The following TFG variants were observed in gnomAD, a reference collection of about 807,000 sequenced individuals.
TFG encodes protein TFG.
TFG carries 22 observed loss-of-function variants against 51.4 expected under a neutral mutation model. The observed-to-expected ratio is 0.43, with a 90% CI of 0.31 to 0.61. The LOEUF is 0.61. Among genes scored for constraint, TFG ranks in the 20% least tolerant of loss-of-function variants. The pLI is 0.12. For synonymous variants in TFG, 187 were observed against 165.6 expected (o/e 1.13, Z -0.99); for missense variants, 419 against 487.7 (o/e 0.86, Z 1.33).
Position 100,744,912 on chromosome 3 carries a change from G to C in TFG, c.801G>C (p.Gln267His). 3.7e-6 allele frequency: 6 copies of C among 1,612,942 alleles called. No individual in the cohort carries two copies. Among genetic ancestry groups the C allele is most frequent in the Non-Finnish European group, 5.1e-6 (6 of 1,179,156 alleles). Residue 267 changes from glutamine (Q) to histidine (H), a missense_variant, in exon 7 of 8, where the codon CAG becomes CAC. Physicochemically the swap from Gln to His is conservative, Grantham distance 24. This residue lies in a region of TFG where 391 missense variants were observed against 434.4 expected (regional missense o/e 0.90). Coordinates refer to ENST00000240851, the MANE Select transcript of TFG (RefSeq NM_006070.6). ...QPQAPPQQPQ[Q>H]YGIQYSASYS... ...AGGCTCCACCTCAGCAGCCTCAACA[G>C]TATGGTATTCAGTATTCAGGTGAGC...
intron 6 of TFG, among the ~76,000 whole-genome samples, chr3:100,740,765 CT>C (rs951958094): frequency 6.6e-6 from 1 of 152,146 alleles, no homozygotes; most frequent in Non-Finnish European, 1.5e-5. Flanking sequence ...TTGCTTCATC[CT>C]GTTCTCTTTT....
intron 3 of TFG, among the ~76,000 whole-genome samples, chr3:100,720,735 TAA>T (rs1249312080): frequency 6.6e-6 from 1 of 152,190 alleles, no homozygotes; most frequent in Non-Finnish European, 1.5e-5. Context: ...ACTTAAAGAT[TAA>T]AAATAGTTCT....
chr3:100,717,520 T>C (rs556661831), intron 2 of TFG, among the ~76,000 whole-genome samples: 1 of 152,214 alleles, frequency 6.6e-6, no homozygotes, highest in African/African-American at 2.4e-5. Flanking sequence ...ACAATATTTG[T>C]TCTTATATAA....
intron 7 of TFG, chr3:100,747,340 T>A (rs1176253880): frequency 7.2e-6 from 1 of 139,548 alleles, no homozygotes; most frequent in Non-Finnish European, 1.6e-5. Flanking sequence ...ATTCATTCAA[T>A]CCTTTTTTTT....
intron 3 of TFG, among the ~76,000 whole-genome samples, chr3:100,722,582 C>T (rs1181496757): frequency 1.3e-5 from 2 of 152,146 alleles, no homozygotes; most frequent in Non-Finnish European, 2.9e-5. Flanking sequence ...GACATATTGT[C>T]ATGAAACTGG....
chr3:100,731,442 TTTTG>T (rs1469262030), intron 4 of TFG, among the ~76,000 whole-genome samples: 1 of 152,214 alleles, frequency 6.6e-6, no homozygotes, highest in Admixed American at 6.5e-5. Flanking sequence ...ATATTTGACA[TTTTG>T]TTTTTCTGTT....
At chr3:100,722,663 A>G (rs949185506) in intron 3 of TFG, among the ~76,000 whole-genome samples, 18 of 152,242 alleles carry the variant, frequency 1.2e-4, no homozygotes, top group African/African-American at 4.1e-4. Context: ...ATATGAAACA[A>G]TTAGACTGTT....
chr3:100,711,665 G>A (rs545490867), intron 1 of TFG, among the ~76,000 whole-genome samples: 2 of 152,188 alleles, frequency 1.3e-5, no homozygotes, highest in South Asian at 2.1e-4. Flanking sequence ...GTGCTGCTGG[G>A]AATAGATAGT....
At chr3:100,716,771 T>C (rs991056628) in intron 2 of TFG, among the ~76,000 whole-genome samples, 1 of 152,180 alleles carries the variant, frequency 6.6e-6, no homozygotes, top group African/African-American at 2.4e-5. Context: ...TTTCCTGATA[T>C]GTGTGCATTT....
At chr3:100,745,731 T>C (rs1424465336) in intron 7 of TFG, among the ~76,000 whole-genome samples, 2 of 152,230 alleles carry the variant, frequency 1.3e-5, no homozygotes, top group Non-Finnish European at 2.9e-5. Context: ...TATAGAGTTT[T>C]GTGGTATCAG....
At chr3:100,723,438 TAC>T (rs1431195537) in intron 3 of TFG, among the ~76,000 whole-genome samples, 5 of 152,072 alleles carry the variant, frequency 3.3e-5, no homozygotes, top group African/African-American at 1.2e-4. Context: ...AGAAATTGAC[TAC>T]ATATATCGGT....
At chr3:100,720,112 ATGTT>A (rs2095056680) in intron 3 of TFG, 54 bp downstream of exon 3, 5 of 1,190,172 alleles carry the variant, frequency 4.2e-6, no homozygotes, top group South Asian at 1.5e-5. Context: ...TATTTTAAAG[ATGTT>A]TGGCTTTTTT....
chr3:100,745,679 A>T (rs1368689074), intron 7 of TFG, among the ~76,000 whole-genome samples: 3 of 152,228 alleles, frequency 2.0e-5, no homozygotes, highest in African/African-American at 7.2e-5. Context: ...AACTGTAATT[A>T]GAAATAATTT....
Position 100,720,168 on chromosome 3 carries a change from A to G in TFG, c.268+110A>G, listed in dbSNP as rs760541258. On this transcript the variant is annotated intron_variant, in intron 3 of 7. Transcript: ENST00000240851. ...GTAAGCAATAACTTATTCAAATATT[A>G]TTACATTTATTTGTGTTCAGGTAGT... is the stretch of plus-strand genomic sequence containing the variant. The G allele has an allele frequency of 1.2e-5, 7 of 604,038 alleles. No individual in the cohort carries two copies. In the Middle Eastern group the frequency reaches 1.4e-3, roughly 117 times the overall value. 37.4% of individuals were successfully genotyped at this position (604,038 alleles called of 1,614,324 possible).
chr3:100,732,737 T>G, intron 5 of TFG, 65 bp downstream of exon 5: 1 of 1,357,246 alleles, frequency 7.4e-7, no homozygotes, highest in Non-Finnish European at 1.0e-6. Context: ...TCCCTTTCCT[T>G]CTTTCTTTAA....
At chr3:100,710,920 A>C (rs1319316627) in intron 1 of TFG, 1 of 152,176 alleles carries the variant, frequency 6.6e-6, no homozygotes, top group African/African-American at 2.4e-5. Context: ...TTGAAGGGAA[A>C]GTTTTGTTGC....
chr3:100,716,552 A>G (rs540098278), intron 2 of TFG, among the ~76,000 whole-genome samples: 13 of 152,310 alleles, frequency 8.5e-5, no homozygotes, highest in African/African-American at 2.9e-4. Flanking sequence ...TTAGTTAAAT[A>G]TTCAGTAGTG....
At position 100,736,557 on chromosome 3, in the gene TFG, CT is replaced by C. The variant is rs752280328; in HGVS notation, c.581-11del. 2.5e-5 allele frequency: 40 copies of C among 1,609,524 alleles called. No individual in the cohort carries two copies. The highest frequency in any genetic ancestry group is 1.2e-4 in the South Asian group (11 of 90,478). ...GGCCTTGTGTTGGATACTAAACTGACTTTTTTTTGACTATCCAGGGCCACCC... is the reference window on the plus strand; with the variant it reads ...GGCCTTGTGTTGGATACTAAACTGACTTTTTTTGACTATCCAGGGCCACCC... On this transcript the variant is annotated intron_variant, in intron 5 of 7. Transcript: ENST00000240851.
intron 2 of TFG, among the ~76,000 whole-genome samples, chr3:100,715,321 G>A (rs1300469977): frequency 6.6e-6 from 1 of 152,218 alleles, no homozygotes; most frequent in Admixed American, 6.5e-5. Flanking sequence ...GATGAGTGAA[G>A]ACAGAGTATG....
Sources: gnomAD v4.1 joint callset for allele counts (sites outside exome capture counted in the v4.1 genomes callset) on GRCh38, gnomAD v4.1.1 for gene constraint, gnomAD v4.1.1 regional missense constraint, MANE v1.5 for transcripts, NCBI Gene and HGNC (gene_info 2026-07-23, HGNC 2026-07-21) for gene names.